CIMAP2: variants seen among roughly 807,000 people sequenced by gnomAD.
CIMAP2 encodes the protein ciliary microtubule associated protein 2, also known as ciliary microtubule-associated protein 2.
At chr1:54,811,765 G>GCCGGGGGGCCCCCCCC in the CIMAP2 span, 2 of 1,301,330 alleles carry the variant, frequency 1.5e-6, no homozygotes, top group Non-Finnish European at 1.1e-6. Flanking sequence ...GGTTCTGACA[G>GCCGGGGGGCCCCCCCC]CCTCCATGCC....
At chr1:54,821,866 A>AATTTAG in the CIMAP2 span, among the ~76,000 whole-genome samples, 1 of 146,660 alleles carries the variant, frequency 6.8e-6, no homozygotes, top group Admixed American at 6.8e-5. Flanking sequence ...CCTCATTTCT[A>AATTTAG]ATTTAGATGC....
At chr1:54,841,778 T>A in the CIMAP2 span, 173 of 1,603,998 alleles carry the variant, frequency 1.1e-4, no homozygotes, top group African/African-American at 1.4e-3. Flanking sequence ...CTTCCTTTTT[T>A]AATTTTTTCT....
At chr1:54,812,792 G>A in the CIMAP2 span, among the ~76,000 whole-genome samples, 1 of 152,220 alleles carries the variant, frequency 6.6e-6, no homozygotes, top group Non-Finnish European at 1.5e-5. Flanking sequence ...AAGCCAGGTA[G>A]TAGGTGAGGT....
At chr1:54,817,511 T>C in the CIMAP2 span, among the ~76,000 whole-genome samples, 2 of 152,192 alleles carry the variant, frequency 1.3e-5, no homozygotes, top group Non-Finnish European at 2.9e-5. Flanking sequence ...GGAATCTGTT[T>C]CTTGGTGTTC....
chr1:54,842,191 G>A, the CIMAP2 span: 1 of 430,790 alleles, frequency 2.3e-6, no homozygotes, highest in Non-Finnish European at 4.2e-6. Context: ...GACACTTGTG[G>A]GACCCTTTCT....
the CIMAP2 span, among the ~76,000 whole-genome samples, chr1:54,836,888 T>C: frequency 6.6e-6 from 1 of 151,976 alleles, no homozygotes; most frequent in African/African-American, 2.4e-5. Flanking sequence ...CAGCCGAGTC[T>C]TGATGGAGGA....
chr1:54,827,114 C>A, the CIMAP2 span, among the ~76,000 whole-genome samples: 1 of 152,176 alleles, frequency 6.6e-6, no homozygotes, highest in Non-Finnish European at 1.5e-5. Flanking sequence ...AGGTAGTTAG[C>A]CTTATTTTAG....
At chr1:54,835,215 A>G in the CIMAP2 span, among the ~76,000 whole-genome samples, 1 of 152,194 alleles carries the variant, frequency 6.6e-6, no homozygotes, top group African/African-American at 2.4e-5. Flanking sequence ...TTTTTGAGAC[A>G]GAGTCTTGCT....
At chr1:54,841,808 ATC>A in the CIMAP2 span, 1 of 1,573,780 alleles carries the variant, frequency 6.4e-7, no homozygotes. Flanking sequence ...AAGGGAAAGG[ATC>A]ACACCATTTA....
the CIMAP2 span, chr1:54,814,968 A>C: frequency 6.2e-7 from 1 of 1,614,186 alleles, no homozygotes; most frequent in Non-Finnish European, 8.5e-7. Flanking sequence ...CAAACCCGTC[A>C]ACCAGCCCCC....
At chr1:54,835,633 A>G in the CIMAP2 span, among the ~76,000 whole-genome samples, 2 of 152,138 alleles carry the variant, frequency 1.3e-5, no homozygotes, top group Non-Finnish European at 2.9e-5. Flanking sequence ...GCATTGATGC[A>G]TATATTTCTC....
chr1:54,816,173 C>T, the CIMAP2 span, among the ~76,000 whole-genome samples: 10 of 152,206 alleles, frequency 6.6e-5, no homozygotes, highest in Non-Finnish European at 1.0e-4. Flanking sequence ...CTCAGCTGAC[C>T]GCACCCCACA....
the CIMAP2 span, among the ~76,000 whole-genome samples, chr1:54,828,713 AC>A: frequency 6.6e-6 from 1 of 152,156 alleles, no homozygotes; most frequent in Admixed American, 6.5e-5. Context: ...CTTATTAGCA[AC>A]ACAAATGATA....
the CIMAP2 span, chr1:54,811,765 GCCT>G: frequency 7.7e-7 from 1 of 1,301,332 alleles, no homozygotes; most frequent in Non-Finnish European, 1.1e-6. Context: ...GGTTCTGACA[GCCT>G]CCATGCCCCC....
At chr1:54,814,071 G>T in the CIMAP2 span, 273,981 of 1,390,446 alleles carry the variant, frequency 0.2, 28,185 homozygotes, top group East Asian at 0.32. Flanking sequence ...ATAGGGAATA[G>T]CTCAGTCTTG....
At chr1:54,818,086 A>ACG in the CIMAP2 span, among the ~76,000 whole-genome samples, 1 of 152,250 alleles carries the variant, frequency 6.6e-6, no homozygotes, top group Admixed American at 6.5e-5. Flanking sequence ...GAAGTCTTAT[A>ACG]CCTTTCTGGT....
At chr1:54,807,591 G>T in the CIMAP2 span, 4 of 1,607,400 alleles carry the variant, frequency 2.5e-6, no homozygotes, top group African/African-American at 4.0e-5. Flanking sequence ...AGCTGATGAA[G>T]GAGGTGGACA....
At chr1:54,836,011 T>G in the CIMAP2 span, among the ~76,000 whole-genome samples, 113,926 of 151,826 alleles carry the variant, frequency 0.75, 44,146 homozygotes, top group Middle Eastern at 0.85. Flanking sequence ...CCTTTGTGCA[T>G]GCTGTTTTGG....
At chr1:54,807,873 T>C in the CIMAP2 span, 8 of 1,558,316 alleles carry the variant, frequency 5.1e-6, no homozygotes, top group South Asian at 9.8e-5. Flanking sequence ...TCATTTTCTC[T>C]CTTCTCTTGG....
Sources: allele counts gnomAD v4.1 joint callset (sites outside exome capture counted in the v4.1 genomes callset), GRCh38; gene constraint gnomAD v4.1.1; transcripts MANE v1.5; gene names NCBI Gene and HGNC (gene_info 2026-07-23, HGNC 2026-07-21).